INSL6: variants seen among roughly 807,000 people sequenced by gnomAD.
INSL6 encodes insulin-like peptide INSL6.
In INSL6, 16 loss-of-function variants were observed where a neutral mutation model predicts 9.4. That is an observed-to-expected ratio of 1.70 (90% CI 1.15 to 2.59). The LOEUF is 2.59. Among genes scored for constraint, INSL6 ranks in the 30% most tolerant of loss-of-function variants. The pLI, the probability that INSL6 is intolerant of heterozygous loss-of-function variation, is 0.00. For missense variants in INSL6, 391 were observed against 257.3 expected, an observed-to-expected ratio of 1.52 and a Z score of -3.56; for synonymous variants, 154 against 96.9, an observed-to-expected ratio of 1.59 and a Z score of -3.46.
At chr9:5,182,584 GA>G (rs1342626242) in intron 1 of INSL6, among the ~76,000 whole-genome samples, 2 of 152,046 alleles carry the variant, frequency 1.3e-5, no homozygotes, top group East Asian at 3.9e-4. Context: ...AAATTTTGTT[GA>G]ACTAATATAT....
chr9:5,076,080 A>G, the INSL6 span, among the ~76,000 whole-genome samples: 1 of 152,234 alleles, frequency 6.6e-6, no homozygotes, highest in East Asian at 1.9e-4. Flanking sequence ...AATTGCTACA[A>G]TCTCACGATA....
the INSL6 span, among the ~76,000 whole-genome samples, chr9:5,029,096 C>G: frequency 1.3e-5 from 2 of 152,136 alleles, no homozygotes; most frequent in Non-Finnish European, 2.9e-5. Flanking sequence ...TTATTTCTAG[C>G]TTTTGATTTA....
At chr9:5,162,062 G>A (rs1228212840), downstream of INSL6, among the ~76,000 whole-genome samples, 4 of 150,900 alleles carry the variant, frequency 2.7e-5, no homozygotes, top group Non-Finnish European at 5.9e-5. Flanking sequence ...CTAGGCAACA[G>A]ACCCTGCCTC....
chr9:5,072,395 G>C, the INSL6 span: 2 of 852,076 alleles, frequency 2.3e-6, no homozygotes, highest in Non-Finnish European at 3.4e-6. Flanking sequence ...ACTTGCTTAT[G>C]GATTTAAAAA....
At chr9:5,141,296 G>C (rs2130887011) in intron 2 of INSL6, among the ~76,000 whole-genome samples, 2 of 152,272 alleles carry the variant, frequency 1.3e-5, no homozygotes, top group Middle Eastern at 6.8e-3. Flanking sequence ...CTTCCACAAT[G>C]GTTGAACTAA....
At chr9:5,162,479 C>T (rs1286776008), downstream of INSL6, among the ~76,000 whole-genome samples, 2 of 152,146 alleles carry the variant, frequency 1.3e-5, no homozygotes, top group African/African-American at 4.8e-5. Flanking sequence ...AGCTAACAAG[C>T]TGCACTTTAT....
At chr9:5,161,687 T>C (rs1824930197), downstream of INSL6, among the ~76,000 whole-genome samples, 1 of 152,076 alleles carries the variant, frequency 6.6e-6, no homozygotes, top group South Asian at 2.1e-4. Flanking sequence ...TTTGGAAAAA[T>C]TTAAGGACTC....
the INSL6 span, among the ~76,000 whole-genome samples, chr9:5,095,903 C>A: frequency 1.3e-5 from 2 of 152,170 alleles, no homozygotes; most frequent in Admixed American, 1.3e-4. Context: ...AGCACTACAA[C>A]CCTGTCACTG....
the INSL6 span, chr9:5,112,601 C>T: frequency 1.2e-6 from 1 of 802,044 alleles, no homozygotes; most frequent in Non-Finnish European, 2.0e-6. Context: ...TCTTAAGGAG[C>T]TGGGGCGCAT....
In INSL6 at chr9:5,134,764, A is replaced by T. The variant is rs543547149; in HGVS notation, c.377-1172T>A. Among the ~76,000 whole-genome samples, 4 of 152,318 alleles carry T rather than the reference A, an allele frequency of 2.6e-5. No homozygotes were observed. The East Asian group carries it at 7.7e-4, about 29-fold the overall frequency. The stretch of plus-strand genomic sequence containing the variant: ...AATTGTAAAGACCATCGACACTATG[A>T]AGAAACTGCATCAACTAAAGGGCAA... On this transcript the variant is annotated intron_variant, in intron 2 of 3. Coordinates refer to the INSL6 transcript ENST00000649639.
At chr9:5,041,092 G>C in the INSL6 span, 2 of 718,128 alleles carry the variant, frequency 2.8e-6, no homozygotes, top group South Asian at 3.0e-5. Flanking sequence ...CTACAGCCTG[G>C]AGGACCTGTT....
At chr9:5,184,399 T>C (rs940546323) in intron 1 of INSL6, among the ~76,000 whole-genome samples, 4 of 152,216 alleles carry the variant, frequency 2.6e-5, no homozygotes, top group African/African-American at 9.6e-5. Context: ...GGGACTAAAA[T>C]GTCTTAGTCA....
At chr9:5,094,887 C>T in the INSL6 span, 7 of 152,064 alleles carry the variant, frequency 4.6e-5, no homozygotes, top group East Asian at 1.9e-4. Flanking sequence ...TTTATGAATC[C>T]GAACAGCATA....
the INSL6 span, chr9:5,080,447 T>C: frequency 6.5e-7 from 1 of 1,544,692 alleles, no homozygotes; most frequent in Non-Finnish European, 8.8e-7. Flanking sequence ...TCACATGATT[T>C]GTATTTTTTA....
the INSL6 span, among the ~76,000 whole-genome samples, chr9:5,023,474 T>C: frequency 1.4e-4 from 22 of 152,310 alleles, no homozygotes; most frequent in Admixed American, 1.2e-3. Context: ...CTCACTGGAA[T>C]AGGAAATGCT....
chr9:5,160,863 C>A (rs1564047439), downstream of INSL6, among the ~76,000 whole-genome samples: 1 of 152,150 alleles, frequency 6.6e-6, no homozygotes, highest in Non-Finnish European at 1.5e-5. Context: ...TTCCTATACA[C>A]ATACAACTTA....
the INSL6 span, among the ~76,000 whole-genome samples, chr9:5,001,498 T>C: frequency 2.0e-5 from 3 of 152,192 alleles, no homozygotes; most frequent in African/African-American, 4.8e-5. Context: ...TTGATTCATT[T>C]TCAAATGTCA....
chr9:5,106,124 A>G, the INSL6 span, among the ~76,000 whole-genome samples: 2 of 152,222 alleles, frequency 1.3e-5, no homozygotes, highest in African/African-American at 2.4e-5. Flanking sequence ...TGGACAGGCA[A>G]CCTACAGAAT....
the INSL6 span, among the ~76,000 whole-genome samples, chr9:5,118,293 T>G: frequency 6.6e-6 from 1 of 152,238 alleles, no homozygotes; most frequent in African/African-American, 2.4e-5. Flanking sequence ...GTATTCCCAC[T>G]TCCCTTCTCA....
Sources: gnomAD v4.1 joint callset for allele counts (sites outside exome capture counted in the v4.1 genomes callset) on GRCh38, gnomAD v4.1.1 for gene constraint, MANE v1.5 for transcripts, NCBI Gene and HGNC (gene_info 2026-07-23, HGNC 2026-07-21) for gene names.